EVA1A: variants seen among roughly 807,000 people sequenced by gnomAD.
EVA1A encodes the protein protein eva-1 homolog A.
EVA1A carries 7 observed loss-of-function variants against 9.8 expected under a neutral mutation model. The ratio of observed to expected loss-of-function variants is 0.71; its 90% CI spans 0.41 to 1.34. The LOEUF is 1.34. Among genes scored for constraint, EVA1A ranks in the 40% most tolerant of loss-of-function variants. The pLI is 0.01. For synonymous variants in EVA1A, 90 were observed against 85.6 expected (o/e 1.05, Z -0.28); for missense variants, 206 against 205.9 (o/e 1.00, Z 0.00).
In EVA1A at chr2:75,536,465, T is replaced by C. The variant is rs542379687; in HGVS notation, c.-191-13978A>G. Among the ~76,000 whole-genome samples, 19 of 152,246 alleles carry C rather than the reference T, an allele frequency of 1.2e-4. No homozygotes were observed. In the East Asian group the frequency reaches 2.3e-3, roughly 19 times the overall value. On this transcript the variant is annotated intron_variant, in intron 1 of 3. Coordinates refer to ENST00000393913, the MANE Select transcript of EVA1A (RefSeq NM_001135032.2). The stretch of plus-strand genomic sequence containing the variant: ...TTAACCAATAGAAAACAAGTCTACA[T>C]TGATATCTATTAAGTCTATAAAGTA...
At chr2:75,504,747 G>A (rs1274976302) in intron 3 of EVA1A, among the ~76,000 whole-genome samples, 2 of 150,656 alleles carry the variant, frequency 1.3e-5, no homozygotes, top group African/African-American at 2.4e-5. Flanking sequence ...AAGTGGGAGT[G>A]GAACAATGAG....
chr2:75,509,060 G>A (rs1238648888), intron 3 of EVA1A, among the ~76,000 whole-genome samples: 1 of 152,124 alleles, frequency 6.6e-6, no homozygotes, highest in Non-Finnish European at 1.5e-5. Flanking sequence ...GTGAATTCCT[G>A]TTTCCCTAGC....
At chr2:75,504,273 T>C (rs565777646) in intron 3 of EVA1A, among the ~76,000 whole-genome samples, 73 of 152,154 alleles carry the variant, frequency 4.8e-4, no homozygotes, top group Non-Finnish European at 9.4e-4. Context: ...TAGCTGGGCG[T>C]GGTGGTGGGT....
At position 75,518,164 on chromosome 2, in the gene EVA1A, G is replaced by A; in HGVS notation, c.-24C>T. 1 of 1,610,570 alleles carries A rather than the reference G, an allele frequency of 6.2e-7. No homozygotes were observed. Among genetic ancestry groups the A allele is most frequent in the South Asian group, 1.1e-5 (1 of 90,438 alleles). ...ATGGGACATCCAGAGGGGACCTCCT[G>A]GAGGTGCTTGGCTGAATCAACGTGG... is the stretch of plus-strand genomic sequence containing the variant. On this transcript the variant is annotated 5_prime_UTR_variant, in exon 3 of 4. Transcript: ENST00000393913.
intron 1 of EVA1A, among the ~76,000 whole-genome samples, chr2:75,552,525 C>A (rs1432552663): frequency 6.6e-6 from 1 of 152,198 alleles, no homozygotes; most frequent in Non-Finnish European, 1.5e-5. Flanking sequence ...CTGCCCAATT[C>A]TCCACCCTAA....
At chr2:75,493,942 G>A (rs1423060692) in intron 3 of EVA1A, among the ~76,000 whole-genome samples, 1 of 152,214 alleles carries the variant, frequency 6.6e-6, no homozygotes, top group Admixed American at 6.5e-5. Flanking sequence ...TTTAAGAGAT[G>A]TATCTATCTA....
chr2:75,497,010 T>C (rs1674235572), intron 3 of EVA1A, among the ~76,000 whole-genome samples: 1 of 152,200 alleles, frequency 6.6e-6, no homozygotes, highest in South Asian at 2.1e-4. Context: ...CTGGACTCCT[T>C]CTTTTTACCT....
At chr2:75,517,954 G>T in intron 3 of EVA1A, 102 bp downstream of exon 3, 1 of 1,326,206 alleles carries the variant, frequency 7.5e-7, no homozygotes, top group East Asian at 2.4e-5. Flanking sequence ...TGATTACGTA[G>T]TGTGTCTTTA....
chr2:75,493,202 C>G lies in EVA1A; in HGVS notation c.*34G>C, dbSNP rs761796788. The G allele has an allele frequency of 6.4e-7, 1 of 1,572,976 alleles. No individual in the cohort carries two copies. Among genetic ancestry groups the G allele is most frequent in the Admixed American group, 1.8e-5 (1 of 56,376 alleles). Reference sequence around the variant, plus strand: ...CCCTGCAGACGCTCTCCTTTCCAGGCGGCCTCCAGTGGTTTCCGGGGTCCT... The same window carrying G: ...CCCTGCAGACGCTCTCCTTTCCAGGGGGCCTCCAGTGGTTTCCGGGGTCCT... On this transcript the variant is annotated 3_prime_UTR_variant, in exon 4 of 4. Transcript: ENST00000393913.
chr2:75,517,792 T>C (rs2286995), intron 3 of EVA1A: 333,615 of 718,780 alleles, frequency 0.46, 80,754 homozygotes, highest in African/African-American at 0.75. Flanking sequence ...ACAGTAGCCC[T>C]GGGCCACTTC....
At chr2:75,522,097 T>G (rs896880246) in intron 2 of EVA1A, among the ~76,000 whole-genome samples, 12 of 152,210 alleles carry the variant, frequency 7.9e-5, no homozygotes, top group African/African-American at 2.9e-4. Context: ...ACCATATTTA[T>G]AGATTAACAG....
rs374018887 is a variant in EVA1A, at chr2:75,493,661, G to A, written c.86-52C>T. ...CATTTGAGAGATGACAACTCCATAT[G>A]CAGAGATCCAATATGACTCCAGCCT... On this transcript the variant is annotated intron_variant, in intron 3 of 3. Coordinates refer to ENST00000393913, the MANE Select transcript of EVA1A (RefSeq NM_001135032.2). 225 of 1,495,100 alleles carry A rather than the reference G, an allele frequency of 1.5e-4. 1 individual carries two copies. Among genetic ancestry groups the A allele is most frequent in the Non-Finnish European group, 1.9e-4 (211 of 1,119,362 alleles). 92.6% of individuals were successfully genotyped at this position (1,495,100 alleles called of 1,614,324 possible).
intron 1 of EVA1A, among the ~76,000 whole-genome samples, chr2:75,533,563 T>C (rs528433728): frequency 3.3e-5 from 5 of 152,270 alleles, no homozygotes; most frequent in African/African-American, 1.2e-4. Context: ...GTAAATACAA[T>C]AGGCTTTCCT....
At chr2:75,525,104 T>A (rs900596384) in intron 1 of EVA1A, among the ~76,000 whole-genome samples, 1 of 152,126 alleles carries the variant, frequency 6.6e-6, no homozygotes, top group African/African-American at 2.4e-5. Context: ...TATATAAATA[T>A]ACAATGTATA....
intron 1 of EVA1A, among the ~76,000 whole-genome samples, chr2:75,559,421 CT>C (rs1380676227): frequency 4.6e-5 from 7 of 152,222 alleles, no homozygotes; most frequent in Non-Finnish European, 7.3e-5. Context: ...AGGATTCAAG[CT>C]GGTGGTCTCA....
intron 1 of EVA1A, among the ~76,000 whole-genome samples, chr2:75,527,034 G>T: frequency 6.6e-6 from 1 of 152,158 alleles, no homozygotes; most frequent in South Asian, 2.1e-4. Context: ...CACAACTGGT[G>T]CAGACAAACA....
intron 3 of EVA1A, among the ~76,000 whole-genome samples, chr2:75,510,504 G>A (rs1674773181): frequency 6.6e-6 from 1 of 152,170 alleles, no homozygotes; most frequent in Non-Finnish European, 1.5e-5. Flanking sequence ...TGGGGGGTGA[G>A]GCTCCCTCAC....
chr2:75,550,553 T>C (rs565718874), intron 1 of EVA1A, among the ~76,000 whole-genome samples: 10 of 152,196 alleles, frequency 6.6e-5, no homozygotes, highest in African/African-American at 2.4e-4. Flanking sequence ...GCAAATTGAG[T>C]GGGTGATATA....
chr2:75,545,401 T>C (rs1244768140), intron 1 of EVA1A, among the ~76,000 whole-genome samples: 1 of 151,940 alleles, frequency 6.6e-6, no homozygotes, highest in Non-Finnish European at 1.5e-5. Context: ...GAGAAGGCCA[T>C]AGAGGAAGTT....
Sources: allele counts gnomAD v4.1 joint callset (sites outside exome capture counted in the v4.1 genomes callset), GRCh38; gene constraint gnomAD v4.1.1; transcripts MANE v1.5; gene names NCBI Gene and HGNC (gene_info 2026-07-23, HGNC 2026-07-21).